The following RPL39L variants were observed in gnomAD, a reference collection of about 807,000 sequenced individuals.
The protein encoded by RPL39L is ribosomal protein eL39-like 2.
For missense variants in RPL39L, 48 were observed against 58.9 expected, an observed-to-expected ratio of 0.81 and a Z score of 0.61; for synonymous variants, 16 against 20.1, an observed-to-expected ratio of 0.80 and a Z score of 0.55.
intron 1 of RPL39L, among the ~76,000 whole-genome samples, chr3:187,137,785 G>A (rs865832299): frequency 1.4e-5 from 2 of 146,292 alleles, no homozygotes; most frequent in East Asian, 2.0e-4. Context: ...CCAGGATTGC[G>A]CCACTGCACT....
At chr3:187,131,267 C>T (rs888520529) in intron 1 of RPL39L, among the ~76,000 whole-genome samples, 2 of 152,000 alleles carry the variant, frequency 1.3e-5, no homozygotes, top group Non-Finnish European at 2.9e-5. Flanking sequence ...CACCTGCCTG[C>T]ATTTTGGGAG....
chr3:187,122,180 A>C (rs1357157226), intron 2 of RPL39L, among the ~76,000 whole-genome samples: 9 of 152,226 alleles, frequency 5.9e-5, no homozygotes, highest in Non-Finnish European at 1.5e-5. Context: ...ACTGAATTGC[A>C]TGCTACCACT....
chr3:187,138,221 ATGT>A (rs1401223503), intron 1 of RPL39L, among the ~76,000 whole-genome samples: 2 of 150,338 alleles, frequency 1.3e-5, no homozygotes, highest in Non-Finnish European at 3.0e-5. Context: ...CAAAATGAAA[ATGT>A]TGTGGAGGTG....
chr3:187,126,222 C>T (rs1005220790), intron 2 of RPL39L, among the ~76,000 whole-genome samples: 1 of 150,420 alleles, frequency 6.6e-6, no homozygotes. Flanking sequence ...AGTGCAATGG[C>T]GCCATCTCAG....
chr3:187,138,802 G>A (rs1434207827), intron 1 of RPL39L, among the ~76,000 whole-genome samples: 1 of 152,192 alleles, frequency 6.6e-6, no homozygotes, highest in Non-Finnish European at 1.5e-5. Flanking sequence ...CCTCACGCCT[G>A]TAATCCCAGC....
chr3:187,132,377 G>A (rs1366736778), intron 1 of RPL39L, among the ~76,000 whole-genome samples: 2 of 152,144 alleles, frequency 1.3e-5, no homozygotes, highest in Non-Finnish European at 2.9e-5. Flanking sequence ...TCAGTTTCTG[G>A]GGGTAAAGTA....
At chr3:187,124,907 T>C (rs750433577) in intron 2 of RPL39L, among the ~76,000 whole-genome samples, 13 of 152,192 alleles carry the variant, frequency 8.5e-5, no homozygotes, top group Non-Finnish European at 1.5e-4. Context: ...GAATTTGTTA[T>C]ATAATTTCCA....
intron 2 of RPL39L, among the ~76,000 whole-genome samples, chr3:187,122,017 C>A (rs1720318824): frequency 1.3e-5 from 2 of 152,164 alleles, no homozygotes; most frequent in East Asian, 3.8e-4. Flanking sequence ...AATTCATCCC[C>A]ACAACACTTA....
chr3:187,135,340 C>T (rs548311594), intron 1 of RPL39L, among the ~76,000 whole-genome samples: 8 of 152,286 alleles, frequency 5.3e-5, no homozygotes, highest in African/African-American at 1.2e-4. Flanking sequence ...TCCCACGTGT[C>T]GTGGGAGGAA....
intron 1 of RPL39L, among the ~76,000 whole-genome samples, chr3:187,137,491 C>T (rs949850893): frequency 6.6e-6 from 1 of 151,454 alleles, no homozygotes; most frequent in African/African-American, 2.4e-5. Context: ...GCCTGGGCAA[C>T]AGAGTAAGAC....
chr3:187,137,337 C>T (rs1295758617), intron 1 of RPL39L, among the ~76,000 whole-genome samples: 6 of 151,524 alleles, frequency 4.0e-5, no homozygotes, highest in African/African-American at 1.2e-4. Context: ...GGTGAAACCC[C>T]GTCTCTACTA....
chr3:187,128,814 T>C (rs1579412074), intron 1 of RPL39L, among the ~76,000 whole-genome samples: 1 of 152,226 alleles, frequency 6.6e-6, no homozygotes, highest in East Asian at 1.9e-4. Context: ...TGGCAAGCTA[T>C]TGACTGAGGC....
chr3:187,133,052 A>G (rs1720512658), intron 1 of RPL39L, among the ~76,000 whole-genome samples: 1 of 152,230 alleles, frequency 6.6e-6, no homozygotes. Flanking sequence ...TAAGAGTATA[A>G]AACCCCTGGG....
intron 1 of RPL39L, among the ~76,000 whole-genome samples, chr3:187,132,655 C>T (rs1441414084): frequency 6.6e-6 from 1 of 152,224 alleles, no homozygotes; most frequent in Non-Finnish European, 1.5e-5. Flanking sequence ...ATTCAACATG[C>T]ATAAATATTT....
rs74379238 is a variant in RPL39L, at chr3:187,130,234, G to A, written c.-92-2172C>T. Among the ~76,000 whole-genome samples, 693 of 152,276 alleles carry A rather than the reference G, an allele frequency of 4.6e-3. 7 individuals carry two copies. The highest frequency in any genetic ancestry group is 0.013 in the South Asian group (65 of 4,828). Reference sequence around the variant, plus strand: ...CTTCACATGAGTTGATAACATCCACGATGTCACCTTCAAAGCAAAGTTCTT... The same window carrying A: ...CTTCACATGAGTTGATAACATCCACAATGTCACCTTCAAAGCAAAGTTCTT... On this transcript the variant is annotated intron_variant, in intron 1 of 2. Coordinates refer to ENST00000296277, the MANE Select transcript of RPL39L (RefSeq NM_052969.3).
At chr3:187,131,443 A>G (rs915664832) in intron 1 of RPL39L, among the ~76,000 whole-genome samples, 3 of 152,246 alleles carry the variant, frequency 2.0e-5, no homozygotes, top group African/African-American at 7.2e-5. Flanking sequence ...AGGCTGAGGC[A>G]GAAGAATTGC....
intron 2 of RPL39L, among the ~76,000 whole-genome samples, 181 bp from the exon 3 acceptor site, chr3:187,121,509 C>T (rs1400099760): frequency 6.6e-6 from 1 of 152,224 alleles, no homozygotes; most frequent in Non-Finnish European, 1.5e-5. Flanking sequence ...TCTGAGGAGT[C>T]TGATGGCTGT....
intron 1 of RPL39L, among the ~76,000 whole-genome samples, chr3:187,132,181 C>T (rs1156470688): frequency 6.6e-6 from 1 of 152,200 alleles, no homozygotes; most frequent in African/African-American, 2.4e-5. Flanking sequence ...GTAACATAAA[C>T]CAAATATGCC....
intron 1 of RPL39L, among the ~76,000 whole-genome samples, chr3:187,128,562 C>G (rs1414400756): frequency 3.3e-5 from 5 of 152,074 alleles, no homozygotes; most frequent in Admixed American, 2.6e-4. Context: ...CATGCTGGAG[C>G]AGAGTAGCAT....
Sources: allele counts gnomAD v4.1 joint callset (sites outside exome capture counted in the v4.1 genomes callset), GRCh38; gene constraint gnomAD v4.1.1; transcripts MANE v1.5; gene names NCBI Gene and HGNC (gene_info 2026-07-23, HGNC 2026-07-21).